Variants in COLEC12 observed in about 807,000 individuals in gnomAD.
COLEC12 encodes the protein collectin subfamily member 12, also known as collectin-12.
A neutral mutation model predicts 71.1 loss-of-function variants in COLEC12; 33 were observed. The observed-to-expected ratio is 0.46, with a 90% CI of 0.35 to 0.62. COLEC12 has a LOEUF of 0.62. COLEC12 is among the 20% of genes least tolerant of loss of function. The pLI is 0.00. For synonymous variants in COLEC12, 350 were observed against 353.0 expected, an observed-to-expected ratio of 0.99 and a Z score of 0.10; for missense variants, 765 against 916.1, an observed-to-expected ratio of 0.84 and a Z score of 2.13.
chr18:350,653 C>T (rs774235744), intron 3 of COLEC12, among the ~76,000 whole-genome samples: 7 of 152,016 alleles, frequency 4.6e-5, no homozygotes, highest in Non-Finnish European at 1.0e-4. Context: ...TCAGACCGGG[C>T]ATGGTGGCTC....
intron 2 of COLEC12, among the ~76,000 whole-genome samples, chr18:466,358 C>T (rs990454911): frequency 3.3e-5 from 5 of 152,212 alleles, no homozygotes; most frequent in Non-Finnish European, 5.9e-5. Flanking sequence ...CCTCCTGACA[C>T]TAGAAGTTCC....
chr18:368,597 G>A lies in COLEC12; in HGVS notation c.59-11075C>T, dbSNP rs1004224158. ...AAACAAAACAAGGCCGGGCGCGGTG[G>A]CTCAGGCCTGTAATCCCAGAACTTT... On this transcript the variant is annotated intron_variant, in intron 2 of 9. Transcript: ENST00000400256. Among the ~76,000 whole-genome samples the A allele has an allele frequency of 5.3e-5, 8 of 152,000 alleles. No homozygotes were observed. The South Asian group carries it at 6.2e-4, about 12-fold the overall frequency.
intron 9 of COLEC12, 108 bp from the exon 10 acceptor site, chr18:320,172 A>T (rs896796164): frequency 2.4e-5 from 16 of 661,236 alleles, no homozygotes; most frequent in Non-Finnish European, 4.1e-5. Flanking sequence ...TCTAAAATAC[A>T]TCATTCAACA....
chr18:467,458 T>C (rs902998712), intron 2 of COLEC12, among the ~76,000 whole-genome samples: 2 of 152,232 alleles, frequency 1.3e-5, no homozygotes, highest in African/African-American at 4.8e-5. Context: ...GCTAAAGTGA[T>C]TTTCCTCTGT....
intron 2 of COLEC12, among the ~76,000 whole-genome samples, chr18:390,155 AG>A (rs1191995699): frequency 9.2e-5 from 14 of 152,342 alleles, no homozygotes; most frequent in African/African-American, 2.6e-4. Context: ...TTTGCCCAGC[AG>A]GGGGCTAGGT....
intron 5 of COLEC12, among the ~76,000 whole-genome samples, chr18:342,904 G>A (rs1168987106): frequency 2.6e-5 from 4 of 152,114 alleles, no homozygotes; most frequent in Admixed American, 6.6e-5. Flanking sequence ...TCCATGAGTC[G>A]GAAACCTCAT....
Position 368,821 on chromosome 18 carries a change from A to G in COLEC12, c.59-11299T>C, listed in dbSNP as rs566257132. Among the ~76,000 whole-genome samples, 104 of 152,276 alleles carry G rather than the reference A, an allele frequency of 6.8e-4. No homozygotes were observed. The East Asian group carries it at 9.8e-3, about 14-fold the overall frequency. On this transcript the variant is annotated intron_variant, in intron 2 of 9. Transcript: ENST00000400256. ...GCGGAGCTTGCAGTGAGCCGAGATC[A>G]CGTCACTGCACTCCAGCCTGGGCAA...
chr18:368,619 C>T (rs1166205031), intron 2 of COLEC12, among the ~76,000 whole-genome samples: 2 of 149,848 alleles, frequency 1.3e-5, no homozygotes, highest in Middle Eastern at 3.8e-3. Context: ...AATCCCAGAA[C>T]TTTGGGAGGC....
At chr18:326,602 G>GC (rs1310522234) in intron 8 of COLEC12, among the ~76,000 whole-genome samples, 1 of 152,156 alleles carries the variant, frequency 6.6e-6, no homozygotes, top group African/African-American at 2.4e-5. Flanking sequence ...ACCTGCCTTG[G>GC]CCCCCCAAAG....
intron 2 of COLEC12, among the ~76,000 whole-genome samples, chr18:443,837 T>C (rs1257923963): frequency 1.3e-5 from 2 of 152,176 alleles, no homozygotes; most frequent in Non-Finnish European, 2.9e-5. Context: ...CTTGGTGTTA[T>C]TGTTCTTCTT....
At chr18:418,670 G>A (rs555280905) in intron 2 of COLEC12, among the ~76,000 whole-genome samples, 78 of 152,338 alleles carry the variant, frequency 5.1e-4, no homozygotes, top group Non-Finnish European at 9.1e-4. Flanking sequence ...ACCTCTGGTC[G>A]TCCTGACTGC....
In COLEC12 at chr18:327,656, C is replaced by T. The variant is rs145341887; in HGVS notation, c.2063+4012G>A. Among the ~76,000 whole-genome samples the T allele has an allele frequency of 3.9e-3, 598 of 152,304 alleles. 6 individuals are homozygous for T. Among genetic ancestry groups the T allele is most frequent in the African/African-American group, 0.013 (559 of 41,552 alleles). Reference sequence around the variant, plus strand: ...CATGAAAAATGAGGTGAGGCCGAGACGCAGAGGAGAGAGCCTTTTATCCCT... The same window carrying T: ...CATGAAAAATGAGGTGAGGCCGAGATGCAGAGGAGAGAGCCTTTTATCCCT... On this transcript the variant is annotated intron_variant, in intron 8 of 9. Transcript: ENST00000400256. The surrounding 1 kb of genome is among the most constrained non-coding windows in gnomAD (Gnocchi z 4.0).
At chr18:469,153 C>A (rs572805214) in intron 2 of COLEC12, among the ~76,000 whole-genome samples, 1 of 152,260 alleles carries the variant, frequency 6.6e-6, no homozygotes, top group African/African-American at 2.4e-5. Context: ...TTCACTTGCA[C>A]AGACGGAAAG....
intron 2 of COLEC12, among the ~76,000 whole-genome samples, chr18:401,820 G>T (rs1377336509): frequency 6.6e-6 from 1 of 152,172 alleles, no homozygotes; most frequent in African/African-American, 2.4e-5. Flanking sequence ...TCTCTTCAGG[G>T]TTCAAGGACA....
chr18:425,646 C>G (rs72863546), intron 2 of COLEC12, among the ~76,000 whole-genome samples: 27,736 of 152,154 alleles, frequency 0.18, 2,807 homozygotes, highest in Middle Eastern at 0.24. Flanking sequence ...ACACAGCCCC[C>G]ACGGTCATCA....
At chr18:483,650 G>C (rs927934802) in intron 1 of COLEC12, among the ~76,000 whole-genome samples, 1 of 152,174 alleles carries the variant, frequency 6.6e-6, no homozygotes, top group Non-Finnish European at 1.5e-5. Flanking sequence ...CTCTGATTCA[G>C]TGATTGGCTA....
intron 2 of COLEC12, among the ~76,000 whole-genome samples, chr18:443,103 T>G (rs1916577343): frequency 6.6e-6 from 1 of 152,378 alleles, no homozygotes; most frequent in East Asian, 1.9e-4. Context: ...TAATTTTCTA[T>G]ACATATATTA....
At position 319,333 on chromosome 18, in the gene COLEC12, A is replaced by ATATATAT. The variant is rs1400580381; in HGVS notation, c.*711_*712insATATATA. On this transcript the variant is annotated 3_prime_UTR_variant, in exon 10 of 10. Coordinates refer to ENST00000400256, the MANE Select transcript of COLEC12 (RefSeq NM_130386.3). ...GGAAATGAAACATTAAAAAAAAAAAAAAAAAAAAATATATATATATATATA... is the reference window on the plus strand; with the variant it reads ...GGAAATGAAACATTAAAAAAAAAAAATATATATAAAAAAAAATATATATATATATATA... 16 of 65,940 alleles carry ATATATAT rather than the reference A, an allele frequency of 2.4e-4. No homozygotes were observed. The highest frequency in any genetic ancestry group is 1.1e-3 in the South Asian group (2 of 1,744). 4.1% of individuals were successfully genotyped at this position (65,940 alleles called of 1,614,324 possible).
Position 399,860 on chromosome 18 carries a change from C to T in COLEC12, c.59-42338G>A, listed in dbSNP as rs975344584. Reference sequence around the variant, plus strand: ...TTGGCAAATTTATTTTCATCTGCTTCACAGTTTGCTTGGGACTAGCCCAGC... The same window carrying T: ...TTGGCAAATTTATTTTCATCTGCTTTACAGTTTGCTTGGGACTAGCCCAGC... On this transcript the variant is annotated intron_variant, in intron 2 of 9. Coordinates refer to ENST00000400256, the MANE Select transcript of COLEC12 (RefSeq NM_130386.3). The surrounding 1 kb of genome is among the most constrained non-coding windows in gnomAD (Gnocchi z 4.0). 1.3e-5 allele frequency among the ~76,000 whole-genome samples: 2 copies of T among 152,172 alleles called. No homozygotes were observed. The highest frequency in any genetic ancestry group is 4.8e-5 in the African/African-American group (2 of 41,436).
Sources: gnomAD v4.1 joint callset for allele counts (sites outside exome capture counted in the v4.1 genomes callset) on GRCh38, gnomAD v4.1.1 for gene constraint, Gnocchi (gnomAD v3.1) non-coding constraint, MANE v1.5 for transcripts, NCBI Gene and HGNC (gene_info 2026-07-23, HGNC 2026-07-21) for gene names.